Variants in EVI5 observed in about 807,000 individuals in gnomAD.
EVI5 encodes the protein ecotropic viral integration site 5 protein homolog.
In EVI5, 73 loss-of-function variants were observed where a neutral mutation model predicts 112.0. The ratio of observed to expected loss-of-function variants is 0.65; its 90% CI spans 0.54 to 0.79. The LOEUF (loss-of-function observed/expected upper bound fraction) is 0.79, where lower values mean the gene tolerates loss of function less well. EVI5 is among the 30% of genes least tolerant of loss of function. The pLI is 0.00. For synonymous variants in EVI5, 305 were observed against 319.9 expected, an observed-to-expected ratio of 0.95 and a Z score of 0.50; for missense variants, 900 against 968.8, an observed-to-expected ratio of 0.93 and a Z score of 0.94.
chr1:92,704,074 C>T (rs1005313885), intron 3 of EVI5, among the ~76,000 whole-genome samples: 1 of 151,886 alleles, frequency 6.6e-6, no homozygotes, highest in Admixed American at 6.6e-5. Context: ...CTTGGAGAGG[C>T]GGAGGTAGGA....
intron 4 of EVI5, 146 bp downstream of exon 4, chr1:92,703,249 A>T: frequency 1.7e-6 from 1 of 594,222 alleles, no homozygotes; most frequent in South Asian, 2.1e-5. Context: ...TAGCATAAGA[A>T]TTAAGGCAAA....
intron 19 of EVI5, among the ~76,000 whole-genome samples, chr1:92,548,188 T>A (rs1416815208): frequency 6.6e-6 from 1 of 152,176 alleles, no homozygotes; most frequent in Non-Finnish European, 1.5e-5. Flanking sequence ...CAAGACTGGT[T>A]CAACATACGA....
intron 16 of EVI5, among the ~76,000 whole-genome samples, chr1:92,611,562 C>T (rs1201049385): frequency 6.7e-6 from 1 of 150,294 alleles, no homozygotes; most frequent in Non-Finnish European, 1.5e-5. Flanking sequence ...ATTAGCCAGG[C>T]GTGATGGCGG....
intron 10 of EVI5, 45 bp downstream of exon 10, chr1:92,677,113 T>C (rs199791771): frequency 3.2e-5 from 37 of 1,167,608 alleles, no homozygotes; most frequent in African/African-American, 2.0e-4. Context: ...TGTCCAATAA[T>C]TGATTTCAAT....
intron 18 of EVI5, among the ~76,000 whole-genome samples, chr1:92,566,969 G>C (rs1669590490): frequency 6.6e-6 from 1 of 152,026 alleles, no homozygotes; most frequent in Non-Finnish European, 1.5e-5. Context: ...ACCATGCCTA[G>C]CTAATTTTTA....
intron 19 of EVI5, among the ~76,000 whole-genome samples, chr1:92,552,162 A>G (rs1557769939): frequency 6.6e-6 from 1 of 150,996 alleles, no homozygotes; most frequent in African/African-American, 2.4e-5. Context: ...AGCCAGCTTC[A>G]AAGAGTTCCC....
At chr1:92,631,923 C>T (rs1657236439) in intron 14 of EVI5, among the ~76,000 whole-genome samples, 1 of 152,168 alleles carries the variant, frequency 6.6e-6, no homozygotes, top group Non-Finnish European at 1.5e-5. Context: ...GCCTTTTCTG[C>T]ATCTATTGAG....
intron 5 of EVI5, among the ~76,000 whole-genome samples, chr1:92,701,706 C>A (rs1671177986): frequency 6.6e-6 from 1 of 151,880 alleles, no homozygotes; most frequent in Non-Finnish European, 1.5e-5. Flanking sequence ...TTAGGGCATG[C>A]AGTGAGGTAT....
Position 92,666,747 on chromosome 1 carries a change from A to G in EVI5, c.1159-755T>C, listed in dbSNP as rs374697286. Among the ~76,000 whole-genome samples the G allele has an allele frequency of 4.0e-4, 61 of 152,284 alleles. 2 individuals carry two copies. The East Asian group carries it at 7.1e-3, about 18-fold the overall frequency. ...AGCAAAGGAAATACTCACATTCATC[A>G]TTCCAGCTGTGATTAAATTTAAATA... On this transcript the variant is annotated intron_variant, in intron 10 of 19. Transcript: ENST00000684568.
chr1:92,653,329 C>T (rs114745103), intron 13 of EVI5, among the ~76,000 whole-genome samples: 1,931 of 152,306 alleles, frequency 0.013, 50 homozygotes, highest in African/African-American at 0.043. Flanking sequence ...AAGTATTGCA[C>T]GCCAAGGGAG....
chr1:92,682,398 T>C (rs1667738081), intron 9 of EVI5, among the ~76,000 whole-genome samples: 1 of 152,176 alleles, frequency 6.6e-6, no homozygotes, highest in Admixed American at 6.5e-5. Context: ...GTCAGTCTTC[T>C]GTATTTCAGT....
chr1:92,717,886 G>A (rs1674034525), intron 2 of EVI5, among the ~76,000 whole-genome samples: 1 of 151,670 alleles, frequency 6.6e-6, no homozygotes, highest in South Asian at 2.1e-4. Context: ...AAAAAAACCA[G>A]GGGTTGCAAT....
chr1:92,641,139 A>C (rs1659881779), intron 13 of EVI5, among the ~76,000 whole-genome samples: 1 of 152,208 alleles, frequency 6.6e-6, no homozygotes, highest in Non-Finnish European at 1.5e-5. Flanking sequence ...GCACACATAT[A>C]CCTATGTAAC....
intron 10 of EVI5, among the ~76,000 whole-genome samples, chr1:92,675,117 T>C (rs576273934): frequency 6.6e-6 from 1 of 152,168 alleles, no homozygotes; most frequent in Non-Finnish European, 1.5e-5. Context: ...CCAATGCAGG[T>C]GGATCGCCTG....
chr1:92,626,224 C>T (rs1159700654), intron 14 of EVI5, among the ~76,000 whole-genome samples: 4 of 152,142 alleles, frequency 2.6e-5, no homozygotes, highest in Non-Finnish European at 4.4e-5. Flanking sequence ...CCCACTTCCC[C>T]ATCCCCTGGC....
chr1:92,643,245 T>G (rs555932216), intron 13 of EVI5, among the ~76,000 whole-genome samples: 7 of 152,062 alleles, frequency 4.6e-5, no homozygotes, highest in African/African-American at 1.7e-4. Context: ...TTTACTTAAT[T>G]TATTTAGTGC....
Position 92,513,929 on chromosome 1 carries a change from A to T in EVI5, c.2208T>A (p.Pro736=). The T allele has an allele frequency of 3.1e-6, 5 of 1,591,602 alleles. No homozygotes were observed. Among genetic ancestry groups the T allele is most frequent in the Non-Finnish European group, 4.3e-6 (5 of 1,165,496 alleles). ...TGACAATGTGGATTCCATCAAAAGG[A>T]GGTTGGCCTGAGAAGCCCCTCTGGC... ...LKGQRGFSGQ[P]PFDGIHIVNH... Residue 736 remains proline (P), a synonymous_variant, in exon 20 of 20, where the codon CCT becomes CCA. Transcript: ENST00000684568.
chr1:92,513,946 C>T lies in EVI5; in HGVS notation c.2191G>A (p.Gly731Ser). The T allele has an allele frequency of 2.5e-6, 4 of 1,573,488 alleles. No homozygotes were observed. The South Asian group carries it at 4.7e-5, about 19-fold the overall frequency. ...TCAAAAGGAGGTTGGCCTGAGAAGC[C>T]CCTCTGGCCTTTTAGGCACCTGAGC... ...HELRCLKGQR[G>S]FSGQPPFDGI... Residue 731 changes from glycine (G) to serine (S), a missense_variant, in exon 20 of 20, where the codon GGC (glycine) becomes AGC (serine). Transcript: ENST00000684568.
intron 1 of EVI5, among the ~76,000 whole-genome samples, chr1:92,764,328 C>T (rs954312383): frequency 1.8e-4 from 27 of 152,282 alleles, no homozygotes; most frequent in African/African-American, 5.8e-4. Context: ...AGACATTTCA[C>T]GTGAATAAAT....
Sources: allele counts gnomAD v4.1 joint callset (sites outside exome capture counted in the v4.1 genomes callset), GRCh38; gene constraint gnomAD v4.1.1; transcripts MANE v1.5; gene names NCBI Gene and HGNC (gene_info 2026-07-23, HGNC 2026-07-21).